Variants in CARMIL1 observed in about 807,000 individuals in gnomAD.
The protein encoded by CARMIL1 is F-actin-uncapping protein LRRC16A.
Under a neutral mutation model 177.1 loss-of-function variants are expected in CARMIL1, and 90 were observed. The ratio of observed to expected loss-of-function variants is 0.51; its 90% CI spans 0.43 to 0.61. The LOEUF (loss-of-function observed/expected upper bound fraction) is 0.61, where lower values mean the gene tolerates loss of function less well. CARMIL1 is among the 20% of genes least tolerant of loss of function. The pLI, the probability that CARMIL1 is intolerant of heterozygous loss-of-function variation, is 0.00. For missense variants in CARMIL1, 1,380 were observed against 1,667.0 expected (o/e 0.83, Z 3.00); for synonymous variants, 577 against 606.2 (o/e 0.95, Z 0.71).
chr6:25,619,707 A>ATT lies in CARMIL1; in HGVS notation c.*126_*127dup. 3.0e-6 allele frequency: 1 copy of ATT among 336,776 alleles called. No individual in the cohort carries two copies. The highest frequency in any genetic ancestry group is 4.1e-6 in the Non-Finnish European group (1 of 241,868). 20.9% of individuals were successfully genotyped at this position (336,776 alleles called of 1,614,324 possible). The stretch of plus-strand genomic sequence containing the variant: ...GTGCTTTATTCTCTTCTTTTTCTTT[A>ATT]TTTCGCCCCCACCCCCATCCCCTGC... On this transcript the variant is annotated 3_prime_UTR_variant, in exon 37 of 37. Coordinates refer to ENST00000329474, the MANE Select transcript of CARMIL1 (RefSeq NM_017640.6).
At chr6:25,386,451 A>G (rs1255959861) in intron 2 of CARMIL1, among the ~76,000 whole-genome samples, 1 of 151,828 alleles carries the variant, frequency 6.6e-6, no homozygotes, top group African/African-American at 2.4e-5. Flanking sequence ...ATGGGGTTTC[A>G]CCATGTTGGT....
intron 24 of CARMIL1, among the ~76,000 whole-genome samples, chr6:25,535,312 A>C (rs1237778218): frequency 6.6e-6 from 1 of 152,166 alleles, no homozygotes; most frequent in African/African-American, 2.4e-5. Flanking sequence ...AGGAGCTGGG[A>C]ATGTTAAACC....
At position 25,588,568 on chromosome 6, in the gene CARMIL1, C is replaced by A. The variant is rs113223525; in HGVS notation, c.3007-5847C>A. Among the ~76,000 whole-genome samples the A allele has an allele frequency of 3.0e-3, 454 of 152,362 alleles. 3 individuals are homozygous for A. The highest frequency in any genetic ancestry group is 9.6e-3 in the African/African-American group (400 of 41,588). On this transcript the variant is annotated intron_variant, in intron 31 of 36. Coordinates refer to ENST00000329474, the MANE Select transcript of CARMIL1 (RefSeq NM_017640.6). ...ACTTGGCCACGTGGCCACCTAACTGCAGGTGAGCATTCTAACCACGACACC... is the reference window on the plus strand; with the variant it reads ...ACTTGGCCACGTGGCCACCTAACTGAAGGTGAGCATTCTAACCACGACACC...
intron 7 of CARMIL1, 93 bp downstream of exon 7, chr6:25,450,502 T>TTA: frequency 8.2e-7 from 1 of 1,226,300 alleles, no homozygotes; most frequent in Non-Finnish European, 1.2e-6. Context: ...TTCCCTTCAT[T>TTA]TATTTTTCAC....
intron 2 of CARMIL1, among the ~76,000 whole-genome samples, chr6:25,290,277 G>A (rs888122253): frequency 1.3e-5 from 2 of 151,188 alleles, no homozygotes; most frequent in Non-Finnish European, 2.9e-5. Flanking sequence ...TGTACTTTTT[G>A]TAGAGATGGG....
intron 3 of CARMIL1, among the ~76,000 whole-genome samples, chr6:25,422,963 A>G (rs1009824615): frequency 6.6e-6 from 1 of 152,120 alleles, no homozygotes; most frequent in Non-Finnish European, 1.5e-5. Flanking sequence ...ATTGGTTCTG[A>G]TTTCTGATAT....
At chr6:25,425,593 T>G (rs961973670) in intron 3 of CARMIL1, among the ~76,000 whole-genome samples, 1 of 152,124 alleles carries the variant, frequency 6.6e-6, no homozygotes, top group African/African-American at 2.4e-5. Flanking sequence ...CTCCATGCTC[T>G]GTGATTATTT....
intron 23 of CARMIL1, among the ~76,000 whole-genome samples, chr6:25,526,805 A>C (rs1434418968): frequency 2.0e-5 from 3 of 152,148 alleles, no homozygotes; most frequent in African/African-American, 4.8e-5. Context: ...CTCCTGCCTC[A>C]GCCTCCCAAA....
intron 5 of CARMIL1, among the ~76,000 whole-genome samples, chr6:25,446,663 T>A (rs932974935): frequency 5.7e-4 from 87 of 152,362 alleles, no homozygotes; most frequent in African/African-American, 2.0e-3. Flanking sequence ...TCAATAACTT[T>A]TCCTTTGCAT....
Position 25,600,561 on chromosome 6 carries a change from A to G in CARMIL1, c.3367A>G (p.Ile1123Val). The change falls in exon 33 of 37, where the codon ATA becomes GTA. Residue 1123 changes from isoleucine to valine, a missense_variant. Ile to Val is a conservative substitution (Grantham distance 29). Coordinates refer to ENST00000329474, the MANE Select transcript of CARMIL1 (RefSeq NM_017640.6). ...CGAGCACAATGGCAATTCTGAACGG[A>G]TAGAGGAGATAAAAACACCTGACTC... is the stretch of plus-strand genomic sequence containing the variant. ...AAEHNGNSER[I>V]EEIKTPDSFE... 5 of 1,614,026 alleles carry G rather than the reference A, an allele frequency of 3.1e-6. No homozygotes were observed. The highest frequency in any genetic ancestry group is 1.7e-5 in the Admixed American group (1 of 60,026).
chr6:25,305,056 T>G (rs566271729), intron 2 of CARMIL1, among the ~76,000 whole-genome samples: 1 of 152,352 alleles, frequency 6.6e-6, no homozygotes, highest in East Asian at 1.9e-4. Flanking sequence ...TTAGCAAGGT[T>G]TGATTTTGGC....
At chr6:25,506,374 C>T (rs1162797569) in intron 17 of CARMIL1, among the ~76,000 whole-genome samples, 3 of 152,144 alleles carry the variant, frequency 2.0e-5, no homozygotes, top group African/African-American at 4.8e-5. Context: ...TGGTGAAACC[C>T]GTCTCTACTA....
In CARMIL1 at chr6:25,435,489, G is replaced by C; in HGVS notation, c.256G>C (p.Val86Leu). Residue 86 changes from valine to leucine, a missense_variant, in exon 5 of 37, where the codon GTG (valine) becomes CTG (leucine). Transcript: ENST00000329474. ...GTCCCACCGGTTCTTGCAGATGATT[G>C]TGGAAACTGAGAAGTGCAGCATTTC... is the stretch of plus-strand genomic sequence containing the variant. ...VVCSKSAQMI[V>L]ETEKCSISMK... 2.6e-6 allele frequency: 4 copies of C among 1,551,044 alleles called. No homozygotes were observed. The East Asian group carries it at 9.8e-5, about 38-fold the overall frequency.
At position 25,606,820 on chromosome 6, in the gene CARMIL1, C is replaced by T. The variant is rs367664444; in HGVS notation, c.3847+547C>T. Among the ~76,000 whole-genome samples the T allele has an allele frequency of 2.0e-3, 300 of 152,178 alleles. 2 individuals are homozygous for T. In the Middle Eastern group the frequency reaches 0.02, roughly 10 times the overall value. On this transcript the variant is annotated intron_variant, in intron 35 of 36. Coordinates refer to ENST00000329474, the MANE Select transcript of CARMIL1 (RefSeq NM_017640.6). ...TTGGTGTCACCTGTGGCTGTGGCTG[C>T]GCTACAGTGGCAGAGTGGTATACTT...
At chr6:25,461,373 A>T (rs1800102552) in intron 8 of CARMIL1, among the ~76,000 whole-genome samples, 1 of 152,224 alleles carries the variant, frequency 6.6e-6, no homozygotes, top group Admixed American at 6.5e-5. Flanking sequence ...TATGTAACAA[A>T]GCCCCTCAAA....
chr6:25,482,489 G>A, intron 12 of CARMIL1, 146 bp downstream of exon 12: 1 of 485,128 alleles, frequency 2.1e-6, no homozygotes, highest in Non-Finnish European at 3.5e-6. Context: ...GCAGTTTGAA[G>A]ATAAAGACTT....
intron 8 of CARMIL1, among the ~76,000 whole-genome samples, chr6:25,462,474 TCAGGG>T (rs1371342460): frequency 1.3e-5 from 2 of 152,210 alleles, no homozygotes; most frequent in African/African-American, 4.8e-5. Context: ...TGCCAGGCCA[TCAGGG>T]CAGGGACCAT....
intron 2 of CARMIL1, among the ~76,000 whole-genome samples, chr6:25,365,388 C>T (rs939898128): frequency 2.0e-5 from 3 of 152,172 alleles, no homozygotes; most frequent in East Asian, 1.9e-4. Flanking sequence ...ATATTCCCAG[C>T]GCCTTTGGGA....
chr6:25,438,440 G>A (rs1370361204), intron 5 of CARMIL1, among the ~76,000 whole-genome samples: 1 of 152,234 alleles, frequency 6.6e-6, no homozygotes, highest in African/African-American at 2.4e-5. Context: ...AGTAAGTGCT[G>A]TGAGAGAAAT....
Sources: allele counts gnomAD v4.1 joint callset (sites outside exome capture counted in the v4.1 genomes callset), GRCh38; gene constraint gnomAD v4.1.1; transcripts MANE v1.5; gene names NCBI Gene and HGNC (gene_info 2026-07-23, HGNC 2026-07-21).